The following ATP11C variants were observed in gnomAD, a reference collection of about 807,000 sequenced individuals.
ATP11C encodes the protein phospholipid-transporting ATPase IG.
Under a neutral mutation model 97.4 loss-of-function variants are expected in ATP11C, and 36 were observed. The ratio of observed to expected loss-of-function variants is 0.37; its 90% CI spans 0.28 to 0.49. ATP11C has a LOEUF of 0.49. ATP11C is among the 20% of genes least tolerant of loss of function. The probability of loss-of-function intolerance (pLI) is 0.98; values close to 1 mark genes in which losing one functional copy is unlikely to be tolerated. For synonymous variants in ATP11C, 275 were observed against 290.9 expected, an observed-to-expected ratio of 0.95 and a Z score of 0.56; for missense variants, 730 against 824.6, an observed-to-expected ratio of 0.89 and a Z score of 1.40.
chrX:139,788,411 G>T, intron 13 of ATP11C, 68 bp from the exon 14 acceptor site: 1 of 961,327 alleles, frequency 1.0e-6, no homozygotes, highest in Admixed American at 2.5e-5. Context: ...GGCAGTGAAC[G>T]GAGAAAATAT....
rs1480053055 is a variant in ATP11C at position 139,802,288 on chromosome X, C to G, written c.607G>C (p.Asp203His). The change falls in exon 7 of 30, where the codon GAT becomes CAT. Residue 203 changes from aspartate to histidine, a missense_variant. Physicochemically the swap from Asp to His is moderately conservative, Grantham distance 81. Transcript: ENST00000682941. ...TIALCTAESI[D>H]TLRAAIECEQ... The stretch of plus-strand genomic sequence containing the variant: ...CATTCAATTGCTGCTCGGAGGGTAT[C>G]GATGGATTCTGCTGTACACAGTGCA... 4 of 1,208,560 alleles carry G rather than the reference C, an allele frequency of 3.3e-6. No individual in the cohort carries two copies. Among genetic ancestry groups the G allele is most frequent in the South Asian group, 3.5e-5 (2 of 56,904 alleles).
intron 1 of ATP11C, among the ~76,000 whole-genome samples, chrX:139,859,802 A>C (rs2084152091): frequency 8.9e-6 from 1 of 112,035 alleles, no homozygotes; most frequent in African/African-American, 3.2e-5. Flanking sequence ...ATATGGCACA[A>C]ATGAAAAGAA....
At chrX:139,742,782 AG>A (rs1158846005) in intron 26 of ATP11C, among the ~76,000 whole-genome samples, 1 of 107,831 alleles carries the variant, frequency 9.3e-6, no homozygotes, top group East Asian at 2.9e-4. Context: ...TTATATTCTT[AG>A]GCACTTTATC....
chrX:139,926,247 G>C (rs1373828993), intron 1 of ATP11C, among the ~76,000 whole-genome samples: 2 of 111,100 alleles, frequency 1.8e-5, no homozygotes, highest in Non-Finnish European at 3.8e-5. Context: ...AGATGTAAAA[G>C]GTTCATCTGT....
chrX:139,887,508 G>C (rs2084661676), intron 1 of ATP11C, among the ~76,000 whole-genome samples: 1 of 110,901 alleles, frequency 9.0e-6, no homozygotes, highest in Admixed American at 9.6e-5. Flanking sequence ...CACACCTATA[G>C]TACCAGCTAC....
chrX:139,778,280 C>T lies in ATP11C; in HGVS notation c.1953-3327G>A, dbSNP rs759566475. 1.3e-4 allele frequency among the ~76,000 whole-genome samples: 14 copies of T among 111,772 alleles called. No individual in the cohort carries two copies. In the South Asian group the frequency reaches 4.9e-3, roughly 39 times the overall value. On this transcript the variant is annotated intron_variant, in intron 18 of 29. Transcript: ENST00000682941. ...CAAATGCTATGGGAATCTGTCACCA[C>T]CAAACCTATCCTATAAGAAATGCTT...
At chrX:139,913,965 A>G (rs1429487467) in intron 1 of ATP11C, among the ~76,000 whole-genome samples, 1 of 112,204 alleles carries the variant, frequency 8.9e-6, no homozygotes, top group Non-Finnish European at 1.9e-5. Flanking sequence ...ATGTGCAATC[A>G]AGAGATGGAG....
At chrX:139,918,016 T>C (rs950095985) in intron 1 of ATP11C, among the ~76,000 whole-genome samples, 12 of 98,830 alleles carry the variant, frequency 1.2e-4, no homozygotes, top group African/African-American at 4.6e-4. Context: ...CAATTGTTGG[T>C]GAGTATATGG....
chrX:139,832,346 A>G (rs1394141883), intron 1 of ATP11C: 3 of 1,057,983 alleles, frequency 2.8e-6, no homozygotes, highest in Admixed American at 7.3e-5. Context: ...CTGTACTTCC[A>G]TGGGAGGCAG....
intron 5 of ATP11C, among the ~76,000 whole-genome samples, chrX:139,810,674 A>C (rs750088187): frequency 1.2e-4 from 13 of 111,914 alleles, no homozygotes; most frequent in South Asian, 3.7e-4. Context: ...AAAGATGTTC[A>C]AATCAACTCC....
At chrX:139,914,085 A>C (rs546186147) in intron 1 of ATP11C, among the ~76,000 whole-genome samples, 25 of 112,155 alleles carry the variant, frequency 2.2e-4, no homozygotes, top group Middle Eastern at 4.6e-3. Flanking sequence ...CTGGGAAATA[A>C]CTTAGATATA....
chrX:139,826,749 A>C lies in ATP11C; in HGVS notation c.102T>G (p.Ala34=), dbSNP rs2083538693. The stretch of plus-strand genomic sequence containing the variant: ...TATCACAAAATCTTTGTGCAATGTA[A>C]GCTTCTGTTTCCGAAACTGGATGAT... The part of the protein sequence containing the change: ...VGNHPVSETE[A]YIAQRFCDNR... The change falls in exon 2 of 30, where the codon GCT becomes GCG. Residue 34 remains alanine (A), a synonymous_variant. Coordinates refer to ENST00000682941, the MANE Select transcript of ATP11C (RefSeq NM_001353812.2). The C allele has an allele frequency of 8.3e-7, 1 of 1,206,725 alleles. No homozygotes were observed. Among genetic ancestry groups the C allele is most frequent in the African/African-American group, 1.7e-5 (1 of 57,199 alleles).
Position 139,805,441 on chromosome X carries a change from G to A in ATP11C, c.427-842C>T, listed in dbSNP as rs188435260. Among the ~76,000 whole-genome samples the A allele has an allele frequency of 9.9e-3, 1,102 of 111,747 alleles. 45 individuals carry two copies. Among genetic ancestry groups the A allele is most frequent in the Admixed American group, 0.097 (1,017 of 10,450 alleles). ...AATGATGATACAAGAAAAGTACTGAGCAAAGTGCCTGGCACATATTAACTA... is the reference window on the plus strand; with the variant it reads ...AATGATGATACAAGAAAAGTACTGAACAAAGTGCCTGGCACATATTAACTA... On this transcript the variant is annotated intron_variant, in intron 5 of 29. Transcript: ENST00000682941.
intron 22 of ATP11C, among the ~76,000 whole-genome samples, chrX:139,758,679 G>C (rs1290900393): frequency 8.9e-6 from 1 of 112,145 alleles, no homozygotes; most frequent in Non-Finnish European, 1.9e-5. Flanking sequence ...ACCAGCACGA[G>C]AATTTTCAAA....
At chrX:139,794,067 G>C (rs1027055686) in intron 12 of ATP11C, among the ~76,000 whole-genome samples, 1 of 111,693 alleles carries the variant, frequency 9.0e-6, no homozygotes, top group Admixed American at 9.6e-5. Flanking sequence ...GTAGCCCCAC[G>C]GGTTTTTCAA....
intron 1 of ATP11C, among the ~76,000 whole-genome samples, chrX:139,895,104 T>C (rs1294050195): frequency 8.9e-6 from 1 of 112,418 alleles, no homozygotes; most frequent in Non-Finnish European, 1.9e-5. Flanking sequence ...GGTAAACGGA[T>C]ATAAGAGATA....
At chrX:139,815,888 G>T (rs1427455722) in intron 4 of ATP11C, among the ~76,000 whole-genome samples, 1 of 110,979 alleles carries the variant, frequency 9.0e-6, no homozygotes, top group African/African-American at 3.3e-5. Context: ...TGTGATGCTG[G>T]TGAAGAAATA....
chrX:139,878,989 T>C (rs2084521142), intron 1 of ATP11C, among the ~76,000 whole-genome samples: 1 of 111,151 alleles, frequency 9.0e-6, no homozygotes, highest in Admixed American at 9.6e-5. Flanking sequence ...CGTACACTTG[T>C]AGTCCCAGCT....
At position 139,926,006 on chromosome X, in the gene ATP11C, C is replaced by A. The variant is rs1018125020; in HGVS notation, c.27+6010G>T. 6.2e-5 allele frequency among the ~76,000 whole-genome samples: 7 copies of A among 112,237 alleles called. No homozygotes were observed. The Admixed American group carries it at 6.6e-4, about 11-fold the overall frequency. On this transcript the variant is annotated intron_variant, in intron 1 of 29. Coordinates refer to ENST00000682941, the MANE Select transcript of ATP11C (RefSeq NM_001353812.2). ...GGCATAGGGCATCCTGTGCCCATATCTGCAGTGCTGAGCACTCATTCATCA... is the reference window on the plus strand; with the variant it reads ...GGCATAGGGCATCCTGTGCCCATATATGCAGTGCTGAGCACTCATTCATCA...
Sources: gnomAD v4.1 joint callset for allele counts (sites outside exome capture counted in the v4.1 genomes callset) on GRCh38, gnomAD v4.1.1 for gene constraint, MANE v1.5 for transcripts, NCBI Gene and HGNC (gene_info 2026-07-23, HGNC 2026-07-21) for gene names.